FAM50B: variants seen among roughly 807,000 people sequenced by gnomAD.
The protein encoded by FAM50B is protein FAM50B.
In FAM50B, 9 loss-of-function variants were observed where a neutral mutation model predicts 25.4. That is an observed-to-expected ratio of 0.35 (90% CI 0.21 to 0.62). FAM50B has a LOEUF of 0.62. FAM50B is among the 20% of genes least tolerant of loss of function. The pLI is 0.73. For missense variants in FAM50B, 372 were observed against 477.9 expected (o/e 0.78, Z 2.07); for synonymous variants, 212 against 204.3 (o/e 1.04, Z -0.32).
chr6:3,842,067 T>TA, the FAM50B span, among the ~76,000 whole-genome samples: 1 of 152,144 alleles, frequency 6.6e-6, no homozygotes, highest in African/African-American at 2.4e-5. Flanking sequence ...GGGAGGAAAA[T>TA]AAAAATTTCA....
At chr6:3,839,626 T>G in the FAM50B span, among the ~76,000 whole-genome samples, 5 of 152,196 alleles carry the variant, frequency 3.3e-5, no homozygotes, top group African/African-American at 1.2e-4. Flanking sequence ...CATTGCTATT[T>G]TTGCTATATT....
At chr6:3,838,902 A>G in the FAM50B span, among the ~76,000 whole-genome samples, 10 of 151,812 alleles carry the variant, frequency 6.6e-5, no homozygotes, top group African/African-American at 2.4e-4. Flanking sequence ...TGAACTACTG[A>G]CATATGCAAC....
the FAM50B span, among the ~76,000 whole-genome samples, chr6:3,841,006 A>G: frequency 2.0e-5 from 3 of 152,244 alleles, no homozygotes; most frequent in Admixed American, 6.5e-5. Flanking sequence ...AATGGCAAGA[A>G]TATATACCAC....
Position 3,849,716 on chromosome 6 carries a change from G to A in FAM50B, c.-23-73G>A, listed in dbSNP as rs1762175144. 7 of 1,452,496 alleles carry A rather than the reference G, an allele frequency of 4.8e-6. No homozygotes were observed. The African/African-American group carries it at 5.7e-5, about 12-fold the overall frequency. 90.0% of individuals were successfully genotyped at this position (1,452,496 alleles called of 1,614,324 possible). A position where few individuals can be genotyped will look rare whatever the true frequency, so the allele number is the denominator to read the frequency against. ...ATCACTGCCGAAAGCCCTGTGAGGA[G>A]GCGCAGAGCTGAGCATTCCCCGCCG... On this transcript the variant is annotated intron_variant, in intron 1 of 1. Transcript: ENST00000648326.
chr6:3,838,376 T>C, the FAM50B span, among the ~76,000 whole-genome samples: 2 of 151,914 alleles, frequency 1.3e-5, no homozygotes, highest in Non-Finnish European at 2.9e-5. Flanking sequence ...AGGAATAAAC[T>C]GTGGTGTTTC....
At chr6:3,848,334 T>A (rs1762146086), upstream of FAM50B, among the ~76,000 whole-genome samples, 1 of 152,012 alleles carries the variant, frequency 6.6e-6, no homozygotes. Context: ...TTAAGGCAAG[T>A]GGTGGGGAAT....
chr6:3,845,317 C>T (rs373075246), upstream of FAM50B, among the ~76,000 whole-genome samples: 5 of 152,074 alleles, frequency 3.3e-5, 1 homozygote, highest in Non-Finnish European at 4.4e-5. Context: ...ATTTGGAGGC[C>T]GTGACTGAGT....
rs770945816 is a variant in FAM50B, at chr6:3,850,125, G to C, written c.314G>C (p.Arg105Pro). 6.2e-7 allele frequency: 1 copy of C among 1,610,024 alleles called. No homozygotes were observed. The highest frequency in any genetic ancestry group is 8.5e-7 in the Non-Finnish European group (1 of 1,178,740). The change falls in exon 2 of 2, where the codon CGG (arginine) becomes CCG (proline). Residue 105 changes from arginine to proline, a missense_variant. Arg to Pro is a moderately radical substitution (Grantham distance 103). This residue lies in a region of FAM50B where 224 missense variants were observed against 232.2 expected (regional missense o/e 0.96). Transcript: ENST00000648326. ...EEQRLQQERQREQEQRRERKR... is the reference protein window; with the variant it reads ...EEQRLQQERQPEQEQRRERKR... ...CAGCGGCTGCAGCAGGAGCGGCAGC[G>C]GGAGCAGGAGCAGCGGCGCGAGCGC...
chr6:3,846,542 G>A (rs1160896793), upstream of FAM50B, among the ~76,000 whole-genome samples: 2 of 152,284 alleles, frequency 1.3e-5, no homozygotes, highest in East Asian at 3.9e-4. Flanking sequence ...CTGGGCCTGT[G>A]GCAGTTTCTT....
At chr6:3,842,816 G>T in the FAM50B span, among the ~76,000 whole-genome samples, 1 of 152,202 alleles carries the variant, frequency 6.6e-6, no homozygotes, top group African/African-American at 2.4e-5. Flanking sequence ...AACATTTGCT[G>T]TACGTTTCTA....
chr6:3,843,552 C>T, the FAM50B span, among the ~76,000 whole-genome samples: 1 of 152,124 alleles, frequency 6.6e-6, no homozygotes, highest in Non-Finnish European at 1.5e-5. Flanking sequence ...TTCTCTCTCA[C>T]GTGGTGTGGA....
the FAM50B span, among the ~76,000 whole-genome samples, chr6:3,840,444 G>A: frequency 6.6e-6 from 1 of 150,452 alleles, no homozygotes; most frequent in Non-Finnish European, 1.5e-5. Flanking sequence ...CTGCACTCCA[G>A]CCTGGGCAAC....
the FAM50B span, among the ~76,000 whole-genome samples, chr6:3,832,587 G>T: frequency 1.3e-5 from 2 of 152,148 alleles, no homozygotes; most frequent in Admixed American, 6.5e-5. Flanking sequence ...TTAAAAATGT[G>T]GGGTAACAAC....
chr6:3,846,117 T>C (rs1762118415), upstream of FAM50B, among the ~76,000 whole-genome samples: 1 of 152,160 alleles, frequency 6.6e-6, no homozygotes, highest in South Asian at 2.1e-4. Context: ...AAAGAGATTC[T>C]GATGTGGCTG....
At chr6:3,834,391 A>T in the FAM50B span, among the ~76,000 whole-genome samples, 1 of 150,846 alleles carries the variant, frequency 6.6e-6, no homozygotes, top group Non-Finnish European at 1.5e-5. Flanking sequence ...AGAAAAGAAA[A>T]GAAAAAAGAA....
chr6:3,847,279 A>C (rs1762134824), upstream of FAM50B, among the ~76,000 whole-genome samples: 1 of 152,224 alleles, frequency 6.6e-6, no homozygotes, highest in Non-Finnish European at 1.5e-5. Flanking sequence ...ATAGAAGGCT[A>C]TTTTGTCTAC....
At chr6:3,849,715 A>G in intron 1 of FAM50B, 74 bp from the exon 2 acceptor site, 1 of 1,450,264 alleles carries the variant, frequency 6.9e-7, no homozygotes, top group Non-Finnish European at 9.0e-7. Context: ...CCCTGTGAGG[A>G]GGCGCAGAGC....
At chr6:3,843,213 A>G in the FAM50B span, among the ~76,000 whole-genome samples, 2 of 152,248 alleles carry the variant, frequency 1.3e-5, no homozygotes, top group Non-Finnish European at 2.9e-5. Context: ...GATAAAATTT[A>G]AAATTGATTA....
Position 3,850,706 on chromosome 6 carries a change from GAGAAGAACA to G in FAM50B, c.898_906del (p.Lys300_Lys302del). 6.2e-7 allele frequency: 1 copy of G among 1,614,104 alleles called. No homozygotes were observed. Among genetic ancestry groups the G allele is most frequent in the Non-Finnish European group, 8.5e-7 (1 of 1,180,032 alleles). The stretch of plus-strand genomic sequence containing the variant: ...CAAGGTGGTGCTGCGCAGCTGGTAC[GAGAAGAACA>G]AGCACATCTTCCCCGCCAGCCGCTG... On this transcript the variant is annotated inframe_deletion, in exon 2 of 2. Coordinates refer to ENST00000648326, the MANE Select transcript of FAM50B (RefSeq NM_012135.3).
Sources: gnomAD v4.1 joint callset for allele counts (sites outside exome capture counted in the v4.1 genomes callset) on GRCh38, gnomAD v4.1.1 for gene constraint, gnomAD v4.1.1 regional missense constraint, MANE v1.5 for transcripts, NCBI Gene and HGNC (gene_info 2026-07-23, HGNC 2026-07-21) for gene names.